Variants in HLTF observed in about 807,000 individuals in gnomAD.
HLTF encodes DNA-dependent ATPase/E3 ubiquitin-protein ligase HLTF.
HLTF carries 127 observed loss-of-function variants against 129.4 expected under a neutral mutation model. The observed-to-expected ratio is 0.98, with a 90% CI of 0.85 to 1.14. The LOEUF (loss-of-function observed/expected upper bound fraction) is 1.14, where lower values mean the gene tolerates loss of function less well. Among genes scored for constraint, HLTF ranks in the 50% most tolerant of loss-of-function variants. The pLI is 0.00. For synonymous variants in HLTF, 332 were observed against 388.8 expected (o/e 0.85, Z 1.72); for missense variants, 1,139 against 1,187.1 (o/e 0.96, Z 0.60).
rs74812631 is a variant in HLTF at position 149,050,836 on chromosome 3, C to T, written c.1474-461G>A. Reference sequence around the variant, plus strand: ...GGCCTACTATTTGCCAGGTATCAACCACAATAGTGATGTAACTAAAAATGA... The same window carrying T: ...GGCCTACTATTTGCCAGGTATCAACTACAATAGTGATGTAACTAAAAATGA... On this transcript the variant is annotated intron_variant, in intron 14 of 24. Transcript: ENST00000310053. Among the ~76,000 whole-genome samples the T allele has an allele frequency of 6.3e-3, 966 of 152,160 alleles. 9 individuals carry two copies. Among genetic ancestry groups the T allele is most frequent in the African/African-American group, 0.022 (918 of 41,492 alleles).
At position 149,073,323 on chromosome 3, in the gene HLTF, C is replaced by A; in HGVS notation, c.530-1G>T. Reference sequence around the variant, plus strand: ...CCACTTTCCAAATTGAATCCTAAAGCTATAATTTACAAAATAAAAAGAATA... The same window carrying A: ...CCACTTTCCAAATTGAATCCTAAAGATATAATTTACAAAATAAAAAGAATA... On this transcript the variant is annotated splice_acceptor_variant, in intron 4 of 24. Transcript: ENST00000310053. LOFTEE classifies it high-confidence loss of function. 1 of 1,589,324 alleles carries A rather than the reference C, an allele frequency of 6.3e-7. No individual in the cohort carries two copies. The highest frequency in any genetic ancestry group is 1.7e-5 in the Admixed American group (1 of 58,246).
At chr3:149,054,563 G>C (rs893559834) in intron 14 of HLTF, among the ~76,000 whole-genome samples, 1 of 152,094 alleles carries the variant, frequency 6.6e-6, no homozygotes, top group Non-Finnish European at 1.5e-5. Context: ...TTCCAAGAGA[G>C]TCATTATTTC....
At chr3:149,047,990 T>C (rs201168554) in intron 17 of HLTF, 38 bp downstream of exon 17, 22 of 1,529,836 alleles carry the variant, frequency 1.4e-5, no homozygotes, top group Admixed American at 8.6e-5. Context: ...CTAACAGTTA[T>C]TTGTAACTAA....
intron 23 of HLTF, 89 bp downstream of exon 23, chr3:149,038,960 T>C (rs1715876626): frequency 2.9e-6 from 2 of 699,368 alleles, no homozygotes; most frequent in Non-Finnish European, 4.4e-6. Flanking sequence ...CAGTTAATTA[T>C]AACTATGAAG....
Position 149,075,964 on chromosome 3 carries a change from A to G in HLTF, c.312T>C (p.Asn104=), listed in dbSNP as rs369846997. ...TCTTTAAATGGCCAACTTGATTTCC[A>G]TTCACATTGTTTACTTTAATTGCAT... The part of the protein sequence containing the change: ...DKNAIKVNNV[N]GNQVGHLKKE... Residue 104 remains asparagine (N), a synonymous_variant, in exon 3 of 25, where the codon AAT becomes AAC. Transcript: ENST00000310053. 1 of 1,586,018 alleles carries G rather than the reference A, an allele frequency of 6.3e-7. No homozygotes were observed. Among genetic ancestry groups the G allele is most frequent in the African/African-American group, 1.3e-5 (1 of 74,418 alleles).
At chr3:149,062,052 A>G (rs1259672843) in intron 10 of HLTF, among the ~76,000 whole-genome samples, 3 of 152,206 alleles carry the variant, frequency 2.0e-5, no homozygotes, top group Non-Finnish European at 4.4e-5. Context: ...TCATTCCACC[A>G]GTAATTTGTT....
intron 18 of HLTF, among the ~76,000 whole-genome samples, chr3:149,045,559 T>A (rs938644005): frequency 2.6e-5 from 4 of 152,180 alleles, no homozygotes; most frequent in Non-Finnish European, 5.9e-5. Flanking sequence ...GAACAATCTT[T>A]CCCACTCTCT....
chr3:149,071,776 G>A (rs1351500129), intron 5 of HLTF, 119 bp from the exon 6 acceptor site: 1 of 682,778 alleles, frequency 1.5e-6, no homozygotes, highest in African/African-American at 1.8e-5. Flanking sequence ...GCCAGGAGTG[G>A]TGGCTCATGC....
In HLTF at chr3:149,032,376, T is replaced by TA; in HGVS notation, c.2878-5dup. Reference sequence around the variant, plus strand: ...CAACAGAGTCCTTTACAATGAACTTTAAAAAGAAAAAAAAAAGTTAAGTAG... The same window carrying TA: ...CAACAGAGTCCTTTACAATGAACTTTAAAAAAGAAAAAAAAAAGTTAAGTAG... On this transcript the variant is annotated splice_region_variant and splice_polypyrimidine_tract_variant and intron_variant, in intron 24 of 24. Transcript: ENST00000310053. 3 of 1,457,164 alleles carry TA rather than the reference T, an allele frequency of 2.1e-6. No homozygotes were observed. The highest frequency in any genetic ancestry group is 2.5e-5 in the Admixed American group (1 of 40,748). The allele number at this position is 1,457,164 out of a possible 1,614,324, so 90.3% of individuals were successfully genotyped here. A position where few individuals can be genotyped will look rare whatever the true frequency, so the allele number is the denominator to read the frequency against.
intron 8 of HLTF, among the ~76,000 whole-genome samples, chr3:149,067,709 A>T (rs1489350416): frequency 6.6e-6 from 1 of 152,182 alleles, no homozygotes; most frequent in African/African-American, 2.4e-5. Context: ...TAATAATAAA[A>T]AAAAACCTGT....
chr3:149,050,327 C>G lies in HLTF; in HGVS notation c.1522G>C (p.Val508Leu). Residue 508 changes from valine (V) to leucine (L), a missense_variant, in exon 15 of 25, where the codon GTT (valine) becomes CTT (leucine). Physicochemically the swap from Val to Leu is conservative, Grantham distance 32. Coordinates refer to ENST00000310053, the MANE Select transcript of HLTF (RefSeq NM_003071.4). Reference protein sequence around the residue: ...IKSDVHLNFYVYYGPDRIREP... With the variant: ...IKSDVHLNFYLYYGPDRIREP... ...CTAATACGATCAGGACCATAATAAA[C>G]ATAAAAATTCAAGTGTACATCTGAT... 1 of 1,595,050 alleles carries G rather than the reference C, an allele frequency of 6.3e-7. No individual in the cohort carries two copies.
Position 149,055,302 on chromosome 3 carries a change from C to T in HLTF, c.1473+1G>A. ...CATTTTTAAAGGGCTTAAAGACTTA[C>T]AATCCAGTTGCTTAACACAGAAAGC... is the stretch of plus-strand genomic sequence containing the variant. On this transcript the variant is annotated splice_donor_variant, in intron 14 of 24. Transcript: ENST00000310053. LOFTEE classifies it high-confidence loss of function. 6.2e-7 allele frequency: 1 copy of T among 1,601,812 alleles called. No homozygotes were observed. The highest frequency in any genetic ancestry group is 1.1e-5 in the South Asian group (1 of 90,654).
rs1559857812 is a variant in HLTF at position 149,042,229 on chromosome 3, G to C, written c.2134C>G (p.Leu712Val). ...TAAGTATGGCAACAAATTTGCCGCA[G>C]TCTAAGCAAAAGACCCAGGACATCT... ...YADVLGLLLR[L>V]RQICCHTYLL... The change falls in exon 19 of 25, where the codon CTG becomes GTG. Residue 712 changes from leucine (L) to valine (V), a missense_variant. Coordinates refer to ENST00000310053, the MANE Select transcript of HLTF (RefSeq NM_003071.4). The C allele has an allele frequency of 6.2e-7, 1 of 1,612,990 alleles. No individual in the cohort carries two copies. Among genetic ancestry groups the C allele is most frequent in the African/African-American group, 1.3e-5 (1 of 74,988 alleles).
chr3:149,054,342 AG>A (rs1401792896), intron 14 of HLTF, among the ~76,000 whole-genome samples: 2 of 152,174 alleles, frequency 1.3e-5, no homozygotes, highest in African/African-American at 4.8e-5. Context: ...AGTATGTATC[AG>A]GAAGAGCCAG....
intron 13 of HLTF, among the ~76,000 whole-genome samples, chr3:149,055,613 C>G (rs972931830): frequency 2.6e-5 from 4 of 152,160 alleles, no homozygotes; most frequent in Non-Finnish European, 1.5e-5. Flanking sequence ...AGGACTATGA[C>G]AGAGAGTAGG....
chr3:149,086,289 A>G, intron 1 of HLTF, 28 bp downstream of exon 1: 1 of 1,600,326 alleles, frequency 6.2e-7, no homozygotes, highest in East Asian at 2.3e-5. Context: ...CGTTAGACCG[A>G]GCGCCCCACC....
chr3:149,059,917 A>G (rs1386118389), intron 12 of HLTF, 110 bp from the exon 13 acceptor site: 2 of 684,058 alleles, frequency 2.9e-6, no homozygotes, highest in Non-Finnish European at 5.0e-6. Context: ...CTCTATTGTA[A>G]GAGCTTATAT....
At chr3:149,076,171 A>G (rs1719339760) in intron 2 of HLTF, 124 bp from the exon 3 acceptor site, 1 of 415,628 alleles carries the variant, frequency 2.4e-6, no homozygotes, top group Non-Finnish European at 4.2e-6. Flanking sequence ...TAAGAAAAAT[A>G]TATTTTCTAG....
chr3:149,078,619 A>G (rs2108064507), intron 2 of HLTF, among the ~76,000 whole-genome samples: 1 of 152,262 alleles, frequency 6.6e-6, no homozygotes, highest in South Asian at 2.1e-4. Context: ...GCACTTTGGG[A>G]GGCCGAGGTG....
Sources: allele counts gnomAD v4.1 joint callset (sites outside exome capture counted in the v4.1 genomes callset), GRCh38; gene constraint gnomAD v4.1.1; transcripts MANE v1.5; gene names NCBI Gene and HGNC (gene_info 2026-07-23, HGNC 2026-07-21).